Variants in KIAA1217 observed in about 807,000 individuals in gnomAD.
KIAA1217 encodes sickle tail protein homolog.
In KIAA1217, 88 loss-of-function variants were observed where a neutral mutation model predicts 163.9. The ratio of observed to expected loss-of-function variants is 0.54; its 90% confidence interval spans 0.45 to 0.64. KIAA1217 has a LOEUF of 0.64. Ranked by LOEUF, KIAA1217 falls within the 30% of genes least tolerant of loss-of-function variation. The probability of loss-of-function intolerance (pLI) is 0.00; values close to 1 mark genes in which losing one functional copy is unlikely to be tolerated. For synonymous variants in KIAA1217, 903 were observed against 923.1 expected (o/e 0.98, Z 0.39); for missense variants, 2,372 against 2,475.0 (o/e 0.96, Z 0.88).
intron 15 of KIAA1217, among the ~76,000 whole-genome samples, chr10:24,532,366 G>A (rs1161151679): frequency 6.6e-6 from 1 of 152,208 alleles, no homozygotes; most frequent in Non-Finnish European, 1.5e-5. Context: ...TGTTCAATGA[G>A]CTTTAAATTC....
intron 2 of KIAA1217, among the ~76,000 whole-genome samples, chr10:24,377,104 A>C (rs1023630106): frequency 3.3e-5 from 5 of 152,196 alleles, no homozygotes; most frequent in African/African-American, 1.2e-4. Context: ...TCTTCGTGAC[A>C]GAGAGACCCC....
chr10:24,011,685 C>A (rs1320134344), intron 2 of KIAA1217, among the ~76,000 whole-genome samples: 1 of 152,156 alleles, frequency 6.6e-6, no homozygotes, highest in Non-Finnish European at 1.5e-5. Context: ...TAACACTCAA[C>A]TTAAGAAATT....
chr10:23,805,783 G>A (rs996004026), intron 1 of KIAA1217, among the ~76,000 whole-genome samples: 2 of 152,024 alleles, frequency 1.3e-5, no homozygotes, highest in East Asian at 3.9e-4. Context: ...GGAGGCCGAG[G>A]CGGGTGGGTC....
At chr10:24,077,725 T>A (rs764932226) in intron 2 of KIAA1217, among the ~76,000 whole-genome samples, 1 of 152,324 alleles carries the variant, frequency 6.6e-6, no homozygotes, top group South Asian at 2.1e-4. Context: ...TCAAATAGTA[T>A]TTCTGCCTCT....
chr10:24,444,213 C>T (rs1198449333), intron 5 of KIAA1217, among the ~76,000 whole-genome samples: 1 of 152,014 alleles, frequency 6.6e-6, no homozygotes, highest in African/African-American at 2.4e-5. Context: ...GGTTTCACCA[C>T]GTTGACCAGG....
chr10:23,996,611 T>A (rs1846495978), intron 1 of KIAA1217, among the ~76,000 whole-genome samples: 1 of 152,204 alleles, frequency 6.6e-6, no homozygotes, highest in Non-Finnish European at 1.5e-5. Context: ...ACCAAAGTAC[T>A]TGAAAACTGC....
At chr10:23,730,692 A>G (rs1410971883) in intron 1 of KIAA1217, among the ~76,000 whole-genome samples, 3 of 152,282 alleles carry the variant, frequency 2.0e-5, no homozygotes, top group Non-Finnish European at 2.9e-5. Context: ...TTTTTCTTAC[A>G]TAGATCTTGT....
chr10:23,883,822 C>T (rs968278890), intron 1 of KIAA1217, among the ~76,000 whole-genome samples: 11 of 151,922 alleles, frequency 7.2e-5, no homozygotes, highest in Admixed American at 5.9e-4. Context: ...GATCTTCTTA[C>T]TGTCTCCATA....
chr10:24,307,879 G>A (rs146304124), intron 2 of KIAA1217, among the ~76,000 whole-genome samples: 274 of 152,300 alleles, frequency 1.8e-3, no homozygotes, highest in African/African-American at 4.9e-3. Context: ...CAAAACTCCC[G>A]CATAGCTGCC....
At chr10:23,900,059 T>C (rs1197686190) in intron 1 of KIAA1217, among the ~76,000 whole-genome samples, 1 of 151,626 alleles carries the variant, frequency 6.6e-6, no homozygotes, top group African/African-American at 2.4e-5. Context: ...CAGACTGGAG[T>C]GCAGTGGTGT....
At chr10:23,935,358 C>A (rs530303876) in intron 1 of KIAA1217, among the ~76,000 whole-genome samples, 1 of 152,256 alleles carries the variant, frequency 6.6e-6, no homozygotes, top group South Asian at 2.1e-4. Flanking sequence ...CAGATCACTG[C>A]GAGAAAAACA....
chr10:23,782,684 G>T (rs1371656760), intron 1 of KIAA1217, among the ~76,000 whole-genome samples: 1 of 152,064 alleles, frequency 6.6e-6, no homozygotes, highest in Admixed American at 6.5e-5. Flanking sequence ...CTGCCTGCAT[G>T]GTCCTCCCAA....
chr10:24,096,368 G>C (rs2062161674), intron 2 of KIAA1217, among the ~76,000 whole-genome samples: 1 of 151,956 alleles, frequency 6.6e-6, no homozygotes. Context: ...CCTGGTCCAG[G>C]GTGCCACCAC....
At chr10:24,110,670 C>CTTTG (rs1205936290) in intron 2 of KIAA1217, among the ~76,000 whole-genome samples, 4 of 151,138 alleles carry the variant, frequency 2.6e-5, no homozygotes, top group African/African-American at 9.7e-5. Flanking sequence ...GATTAGAAAC[C>CTTTG]TTTGTTGAAC....
intron 2 of KIAA1217, among the ~76,000 whole-genome samples, chr10:24,246,577 A>T (rs2131397290): frequency 6.6e-6 from 1 of 152,380 alleles, no homozygotes. Flanking sequence ...TGTGGGTAGG[A>T]ACACATAACC....
chr10:24,318,072 G>A lies in KIAA1217; in HGVS notation c.355-62797G>A, dbSNP rs980621426. On this transcript the variant is annotated intron_variant, in intron 2 of 20. Transcript: ENST00000376454. ...CTGCAATCCCAGCACTTTGGGAAGC[G>A]GAGGCAGGAAGATCACTTGAGGCTA... Among the ~76,000 whole-genome samples the A allele has an allele frequency of 3.3e-5, 5 of 152,054 alleles. No individual in the cohort carries two copies. In the South Asian group the frequency reaches 8.3e-4, roughly 25 times the overall value.
At chr10:24,474,149 T>C (rs2063782450) in intron 6 of KIAA1217, 89 bp downstream of exon 6, 2 of 932,618 alleles carry the variant, frequency 2.1e-6, no homozygotes, top group South Asian at 1.7e-5. Context: ...ACAGAATAAA[T>C]GTCTGAGCAC....
chr10:23,785,884 C>A (rs988882039), intron 1 of KIAA1217, among the ~76,000 whole-genome samples: 1 of 151,860 alleles, frequency 6.6e-6, no homozygotes, highest in Non-Finnish European at 1.5e-5. Context: ...GAACATGAAG[C>A]CATATGGGGT....
chr10:24,037,984 A>C (rs75524685), intron 2 of KIAA1217, among the ~76,000 whole-genome samples: 3,850 of 152,316 alleles, frequency 0.025, 155 homozygotes, highest in African/African-American at 0.087. Flanking sequence ...AAGCCAACTC[A>C]CATCCTTTGT....
Sources: gnomAD v4.1 joint callset for allele counts (sites outside exome capture counted in the v4.1 genomes callset) on GRCh38, gnomAD v4.1.1 for gene constraint, MANE v1.5 for transcripts, NCBI Gene and HGNC (gene_info 2026-07-23, HGNC 2026-07-21) for gene names.